The following ARMC9 variants were observed in gnomAD, a reference collection of about 807,000 sequenced individuals.
The protein encoded by ARMC9 is lisH domain-containing protein ARMC9.
In ARMC9, 94 loss-of-function variants were observed where a neutral mutation model predicts 107.0. That is an observed-to-expected ratio of 0.88 (90% confidence interval 0.74 to 1.04). The LOEUF is 1.04. Ranked by LOEUF, ARMC9 falls within the 50% of genes least tolerant of loss-of-function variation. The pLI, the probability that ARMC9 is intolerant of heterozygous loss-of-function variation, is 0.00. For synonymous variants in ARMC9, 380 were observed against 396.9 expected (o/e 0.96, Z 0.51); for missense variants, 942 against 1,030.1 (o/e 0.91, Z 1.17).
At chr2:231,269,803 A>G (rs2039159999) in intron 12 of ARMC9, among the ~76,000 whole-genome samples, 1 of 151,932 alleles carries the variant, frequency 6.6e-6, no homozygotes, top group Non-Finnish European at 1.5e-5. Flanking sequence ...GATATTATTG[A>G]TGAATTTTTA....
intron 9 of ARMC9, among the ~76,000 whole-genome samples, chr2:231,248,271 T>A (rs2036954622): frequency 6.6e-6 from 1 of 152,142 alleles, no homozygotes; most frequent in African/African-American, 2.4e-5. Context: ...TCTCCATAGT[T>A]CCCTCTTGGC....
intron 19 of ARMC9, among the ~76,000 whole-genome samples, chr2:231,312,804 T>A (rs557734832): frequency 6.6e-6 from 1 of 152,274 alleles, no homozygotes; most frequent in Admixed American, 6.5e-5. Flanking sequence ...AACAAAAAAG[T>A]AGTATTGTAA....
intron 6 of ARMC9, 38 bp from the exon 7 acceptor site, chr2:231,226,736 C>T (rs1331912656): frequency 6.2e-7 from 1 of 1,609,114 alleles, no homozygotes; most frequent in Admixed American, 1.7e-5. Context: ...GTACCGTTCC[C>T]TGAATGCCTG....
At chr2:231,278,534 C>T in intron 16 of ARMC9, 76 bp downstream of exon 16, 3 of 1,294,450 alleles carry the variant, frequency 2.3e-6, no homozygotes, top group Non-Finnish European at 3.4e-6. Flanking sequence ...CCCACAGGCA[C>T]ACAGCTGGCC....
chr2:231,226,377 A>G (rs949614070), intron 6 of ARMC9, among the ~76,000 whole-genome samples: 1 of 152,204 alleles, frequency 6.6e-6, no homozygotes, highest in African/African-American at 2.4e-5. Flanking sequence ...TCACCTCAAT[A>G]TCAATTTCCT....
intron 19 of ARMC9, among the ~76,000 whole-genome samples, chr2:231,330,117 C>A (rs1397911117): frequency 2.6e-5 from 4 of 152,146 alleles, no homozygotes; most frequent in African/African-American, 9.7e-5. Flanking sequence ...TATGTGTCTG[C>A]CCCTCTGCCA....
At chr2:231,363,883 CAAAAAAAAAAA>C (rs1176736980) in intron 23 of ARMC9, among the ~76,000 whole-genome samples, 13 of 16,282 alleles carry the variant, frequency 8.0e-4, no homozygotes, top group African/African-American at 2.1e-3. Context: ...GACTCCGTCT[CAAAAAAAAAAA>C]AAAAAAAAAA....
At chr2:231,271,847 A>G (rs2039351264) in intron 13 of ARMC9, among the ~76,000 whole-genome samples, 1 of 152,202 alleles carries the variant, frequency 6.6e-6, no homozygotes, top group Admixed American at 6.5e-5. Flanking sequence ...ACAGGGTCCC[A>G]GGTGTGGCTT....
intron 19 of ARMC9, among the ~76,000 whole-genome samples, chr2:231,310,926 A>T (rs1157439897): frequency 6.6e-6 from 1 of 152,100 alleles, no homozygotes; most frequent in Non-Finnish European, 1.5e-5. Flanking sequence ...CAGGAGTTTG[A>T]GACCAGCCTG....
chr2:231,256,348 T>C (rs1001961541), intron 9 of ARMC9: 7 of 1,486,996 alleles, frequency 4.7e-6, no homozygotes, highest in African/African-American at 1.4e-5. Flanking sequence ...GTTCGACCAC[T>C]TGGCCGATGG....
chr2:231,256,354 G>C, intron 9 of ARMC9: 1 of 1,447,328 alleles, frequency 6.9e-7, no homozygotes, highest in African/African-American at 1.4e-5. Context: ...CCACTTGGCC[G>C]ATGGGAATGG....
intron 19 of ARMC9, among the ~76,000 whole-genome samples, chr2:231,315,096 G>A (rs1053161948): frequency 1.3e-5 from 2 of 151,598 alleles, no homozygotes; most frequent in African/African-American, 2.4e-5. Context: ...AAAATTAGCC[G>A]GGTGTGGTGG....
intron 23 of ARMC9, among the ~76,000 whole-genome samples, chr2:231,365,775 G>A (rs1291616551): frequency 3.3e-5 from 5 of 152,222 alleles, no homozygotes; most frequent in South Asian, 2.1e-4. Flanking sequence ...AAGCTCCTCG[G>A]CCTCCTGGGG....
At position 231,240,011 on chromosome 2, in the gene ARMC9, G is replaced by T. The variant is rs138186372; in HGVS notation, c.849G>T (p.Ala283=). 1.2e-6 allele frequency: 2 copies of T among 1,613,604 alleles called. No individual in the cohort carries two copies. Among genetic ancestry groups the T allele is most frequent in the Admixed American group, 1.7e-5 (1 of 59,974 alleles). The change falls in exon 9 of 25, where the codon GCG becomes GCT. Residue 283 remains alanine, a synonymous_variant. Coordinates refer to ENST00000611582, the MANE Select transcript of ARMC9 (RefSeq NM_001352754.2). ...GTAACCAGATGCGGCAGAGCCTGGC[G>T]CATAGTGTGGACTTCACGAGGCCTG... ...LFSNQMRQSL[A]HSVDFTRPGT...
At chr2:231,258,306 C>T (rs751239254) in intron 10 of ARMC9, among the ~76,000 whole-genome samples, 6 of 152,100 alleles carry the variant, frequency 3.9e-5, no homozygotes, top group African/African-American at 9.7e-5. Context: ...CTCAGCCTCC[C>T]GAGTAGCTGG....
chr2:231,336,417 C>T (rs2044092756), intron 20 of ARMC9, among the ~76,000 whole-genome samples: 1 of 152,100 alleles, frequency 6.6e-6, no homozygotes, highest in African/African-American at 2.4e-5. Flanking sequence ...AAGGCTGAGT[C>T]GCTTCCAGGC....
intron 20 of ARMC9, among the ~76,000 whole-genome samples, chr2:231,335,603 C>T (rs527951175): frequency 6.6e-6 from 1 of 152,258 alleles, no homozygotes; most frequent in Admixed American, 6.5e-5. Flanking sequence ...CCAAGGCTTG[C>T]GGGAGAGTAG....
intron 4 of ARMC9, among the ~76,000 whole-genome samples, chr2:231,216,243 C>T (rs1412087503): frequency 6.6e-6 from 1 of 152,148 alleles, no homozygotes; most frequent in East Asian, 1.9e-4. Context: ...CATGGTAATG[C>T]AGACAGATAC....
At chr2:231,365,106 A>G (rs1361380673) in intron 23 of ARMC9, among the ~76,000 whole-genome samples, 1 of 152,190 alleles carries the variant, frequency 6.6e-6, no homozygotes, top group Admixed American at 6.5e-5. Flanking sequence ...AGGGCCAGGA[A>G]ATGGCGCTGG....
Sources: gnomAD v4.1 joint callset for allele counts (sites outside exome capture counted in the v4.1 genomes callset) on GRCh38, gnomAD v4.1.1 for gene constraint, MANE v1.5 for transcripts, NCBI Gene and HGNC (gene_info 2026-07-23, HGNC 2026-07-21) for gene names.